TAFA2: variants seen among roughly 807,000 people sequenced by gnomAD.
The protein encoded by TAFA2 is chemokine-like protein TAFA-2.
In TAFA2, 7 loss-of-function variants were observed where a neutral mutation model predicts 18.8. The observed-to-expected ratio is 0.37, with a 90% CI of 0.21 to 0.70. The LOEUF (loss-of-function observed/expected upper bound fraction) is 0.70. TAFA2 is among the 30% of genes least tolerant of loss of function. The pLI, the probability that TAFA2 is intolerant of heterozygous loss-of-function variation, is 0.53. For synonymous variants in TAFA2, 60 were observed against 54.2 expected (o/e 1.11, Z -0.47); for missense variants, 122 against 158.1 (o/e 0.77, Z 1.23).
intron 1 of TAFA2, among the ~76,000 whole-genome samples, chr12:62,246,591 G>A (rs560093664): frequency 5.6e-4 from 85 of 152,192 alleles, no homozygotes; most frequent in African/African-American, 2.0e-3. Flanking sequence ...AAAACAGTTT[G>A]TCACTTTCTA....
chr12:61,831,755 G>A (rs1872728697), intron 2 of TAFA2, among the ~76,000 whole-genome samples: 1 of 151,910 alleles, frequency 6.6e-6, no homozygotes, highest in African/African-American at 2.4e-5. Flanking sequence ...CAACGTGCAG[G>A]TTTGTTACAT....
chr12:62,016,018 T>C (rs1053621083), intron 1 of TAFA2, among the ~76,000 whole-genome samples: 1 of 151,578 alleles, frequency 6.6e-6, no homozygotes, highest in South Asian at 2.1e-4. Context: ...AATTGTACAC[T>C]GAAAAATAGT....
chr12:61,842,134 G>A (rs893705827), intron 2 of TAFA2, among the ~76,000 whole-genome samples: 1 of 151,752 alleles, frequency 6.6e-6, no homozygotes, highest in African/African-American at 2.4e-5. Flanking sequence ...AAACAGCCAC[G>A]TTTAACACTA....
intron 1 of TAFA2, among the ~76,000 whole-genome samples, chr12:62,190,125 C>T (rs1158950552): frequency 6.6e-6 from 1 of 152,000 alleles, no homozygotes; most frequent in African/African-American, 2.4e-5. Flanking sequence ...AGAGACTAGC[C>T]GCTGGAGTAA....
chr12:62,039,533 G>A (rs1056869393), intron 1 of TAFA2, among the ~76,000 whole-genome samples: 2 of 152,156 alleles, frequency 1.3e-5, no homozygotes, highest in African/African-American at 4.8e-5. Context: ...ATTAAGCAAT[G>A]TTGAGAGAGA....
At chr12:61,741,884 A>G (rs375224950) in intron 4 of TAFA2, among the ~76,000 whole-genome samples, 22 of 152,214 alleles carry the variant, frequency 1.4e-4, no homozygotes, top group East Asian at 1.4e-3. Flanking sequence ...GAGTTTGTTA[A>G]TTCTGCTAAG....
At chr12:61,939,291 T>G (rs919360116) in intron 1 of TAFA2, among the ~76,000 whole-genome samples, 1 of 152,240 alleles carries the variant, frequency 6.6e-6, no homozygotes, top group African/African-American at 2.4e-5. Context: ...TTAATTTATA[T>G]TGTCATTTTA....
At chr12:62,082,277 T>C (rs967406873) in intron 1 of TAFA2, among the ~76,000 whole-genome samples, 10 of 152,220 alleles carry the variant, frequency 6.6e-5, no homozygotes, top group Non-Finnish European at 1.5e-5. Flanking sequence ...ATCTTTATAA[T>C]AGAACAAATT....
intron 1 of TAFA2, among the ~76,000 whole-genome samples, chr12:61,894,488 A>G (rs76176226): frequency 7.9e-5 from 12 of 152,246 alleles, no homozygotes; most frequent in African/African-American, 2.7e-4. Context: ...CAGCAAAGAG[A>G]CAGTGCTACA....
At chr12:62,158,906 A>C (rs2062388920) in intron 1 of TAFA2, among the ~76,000 whole-genome samples, 2 of 152,208 alleles carry the variant, frequency 1.3e-5, no homozygotes, top group Admixed American at 6.5e-5. Context: ...GGCATTCAAT[A>C]CCTTCAACTA....
intron 1 of TAFA2, among the ~76,000 whole-genome samples, chr12:61,886,998 A>G (rs1333359867): frequency 6.6e-6 from 1 of 152,252 alleles, no homozygotes; most frequent in African/African-American, 2.4e-5. Context: ...ATGCTTTCTC[A>G]AAAGGCTTTG....
rs147411570 is a variant in TAFA2 at position 61,720,140 on chromosome 12, T to C, written c.385-9723A>G. Among the ~76,000 whole-genome samples the C allele has an allele frequency of 1.2e-3, 178 of 152,240 alleles. 1 individual carries two copies. Among genetic ancestry groups the C allele is most frequent in the African/African-American group, 4.1e-3 (172 of 41,568 alleles). Reference sequence around the variant, plus strand: ...CTTGAATTTCCAAAGTGTGTCAAAATATAAATGCTTAAATCTAATTATTTA... The same window carrying C: ...CTTGAATTTCCAAAGTGTGTCAAAACATAAATGCTTAAATCTAATTATTTA... On this transcript the variant is annotated intron_variant, in intron 4 of 4. Coordinates refer to ENST00000416284, the MANE Select transcript of TAFA2 (RefSeq NM_178539.5).
intron 1 of TAFA2, among the ~76,000 whole-genome samples, chr12:61,915,482 G>T (rs571895060): frequency 6.6e-6 from 1 of 152,182 alleles, no homozygotes; most frequent in Non-Finnish European, 1.5e-5. Context: ...AAGCTATATA[G>T]AGAGATATTT....
At chr12:61,759,785 A>C (rs1869449020) in intron 2 of TAFA2, among the ~76,000 whole-genome samples, 1 of 152,040 alleles carries the variant, frequency 6.6e-6, no homozygotes, top group Non-Finnish European at 1.5e-5. Flanking sequence ...ATGAAAAATA[A>C]AATATTTAAA....
chr12:62,083,608 A>T (rs1441298196), intron 1 of TAFA2, among the ~76,000 whole-genome samples: 1 of 152,234 alleles, frequency 6.6e-6, no homozygotes, highest in Non-Finnish European at 1.5e-5. Context: ...ACATTTGACT[A>T]CAAAGACATG....
intron 1 of TAFA2, among the ~76,000 whole-genome samples, chr12:61,904,887 C>G (rs1273949575): frequency 2.6e-5 from 4 of 152,142 alleles, no homozygotes; most frequent in African/African-American, 9.7e-5. Flanking sequence ...TCATTGTCCT[C>G]AAGTCTTTGA....
Position 62,192,318 on chromosome 12 carries a change from C to T in TAFA2, c.-1061G>A, listed in dbSNP as rs1264243881. The T allele has an allele frequency of 6.6e-6, 1 of 152,224 alleles. No homozygotes were observed. The highest frequency in any genetic ancestry group is 1.5e-5 in the Non-Finnish European group (1 of 68,076). The allele number at this position is 152,224 out of a possible 1,614,324, so 9.4% of individuals were successfully genotyped here. On this transcript the variant is annotated 5_prime_UTR_variant, in exon 1 of 5. Transcript: ENST00000416284. Reference sequence around the variant, plus strand: ...AGCAGTGCCCTGGCACCGTCACCACCGAGGAGGTGCGAGTTCCAACATCGA... The same window carrying T: ...AGCAGTGCCCTGGCACCGTCACCACTGAGGAGGTGCGAGTTCCAACATCGA...
At chr12:62,129,881 G>T (rs1795209) in intron 1 of TAFA2, among the ~76,000 whole-genome samples, 72,681 of 151,796 alleles carry the variant, frequency 0.48, 17,735 homozygotes, top group African/African-American at 0.52. Context: ...TGCTGTACAG[G>T]TTATAATGTG....
In TAFA2 at chr12:62,228,784, T is replaced by C. The variant is rs544514782; in HGVS notation, c.-130+29979A>G. Among the ~76,000 whole-genome samples, 134 of 152,264 alleles carry C rather than the reference T, an allele frequency of 8.8e-4. 2 individuals carry two copies. Among genetic ancestry groups the C allele is most frequent in the African/African-American group, 3.0e-3 (125 of 41,564 alleles). On this transcript the variant is annotated intron_variant, in intron 1 of 5. Transcript: ENST00000551619. Reference sequence around the variant, plus strand: ...CATTGGTATTTTGATAGGAATTGCATTGAATCTGTAGAAAAATTTGGGTAG... The same window carrying C: ...CATTGGTATTTTGATAGGAATTGCACTGAATCTGTAGAAAAATTTGGGTAG...
Sources: allele counts gnomAD v4.1 joint callset (sites outside exome capture counted in the v4.1 genomes callset), GRCh38; gene constraint gnomAD v4.1.1; transcripts MANE v1.5; gene names NCBI Gene and HGNC (gene_info 2026-07-23, HGNC 2026-07-21).